TOP2B: variants seen among roughly 807,000 people sequenced by gnomAD.
The protein encoded by TOP2B is DNA topoisomerase II beta.
A neutral mutation model predicts 193.5 loss-of-function variants in TOP2B; 51 were observed. That is an observed-to-expected ratio of 0.26 (90% CI 0.21 to 0.33). The LOEUF is 0.33. Ranked by LOEUF, TOP2B falls within the 10% of genes least tolerant of loss-of-function variation. The pLI is 1.00. For missense variants in TOP2B, 1,378 were observed against 1,909.3 expected (o/e 0.72, Z 5.19); for synonymous variants, 634 against 635.7 (o/e 1.00, Z 0.04).
In TOP2B at chr3:25,607,113, T is replaced by C; in HGVS notation, c.4298+58A>G. The stretch of plus-strand genomic sequence containing the variant: ...TTTCTTAGAAGAGCTCACTATAATA[T>C]CTTTGGCAAATGTTTACAACAATTA... On this transcript the variant is annotated intron_variant, in intron 31 of 35. Coordinates refer to ENST00000264331, the MANE Select transcript of TOP2B (RefSeq NM_001330700.2). The C allele has an allele frequency of 1.3e-6, 2 of 1,580,436 alleles. 1 individual carries two copies. Among genetic ancestry groups the C allele is most frequent in the East Asian group, 4.5e-5 (2 of 44,516 alleles).
At chr3:25,611,926 C>T (rs1702381498) in intron 28 of TOP2B, among the ~76,000 whole-genome samples, 1 of 151,510 alleles carries the variant, frequency 6.6e-6, no homozygotes, top group Non-Finnish European at 1.5e-5. Context: ...TTTTGGCTTC[C>T]AAGATTTTTA....
intron 30 of TOP2B, 132 bp downstream of exon 30, chr3:25,609,051 A>AT (rs1374048401): frequency 6.8e-6 from 5 of 731,250 alleles, no homozygotes; most frequent in East Asian, 3.2e-5. Flanking sequence ...CTATAAGGCA[A>AT]TTTTTTCCTT....
chr3:25,659,162 C>T (rs1164224731), intron 1 of TOP2B, among the ~76,000 whole-genome samples: 1 of 152,058 alleles, frequency 6.6e-6, no homozygotes, highest in African/African-American at 2.4e-5. Context: ...CTCTTTTCTC[C>T]CTCAAGGCTG....
At position 25,663,008 on chromosome 3, in the gene TOP2B, T is replaced by C. The variant is rs190809854; in HGVS notation, c.69+1221A>G. Among the ~76,000 whole-genome samples the C allele has an allele frequency of 2.0e-4, 30 of 152,348 alleles. No homozygotes were observed. The East Asian group carries it at 5.6e-3, about 28-fold the overall frequency. The stretch of plus-strand genomic sequence containing the variant: ...GGACCACTAACTTAGTATCTGACAT[T>C]TTCTCTCCTGGCCCTAGTCCCTTCA... On this transcript the variant is annotated intron_variant, in intron 1 of 35. Coordinates refer to ENST00000264331, the MANE Select transcript of TOP2B (RefSeq NM_001330700.2).
At chr3:25,631,892 G>A (rs1702969837) in intron 10 of TOP2B, among the ~76,000 whole-genome samples, 1 of 151,904 alleles carries the variant, frequency 6.6e-6, no homozygotes, top group Admixed American at 6.6e-5. Context: ...TAGTTCTAGG[G>A]CAGTTATAGA....
chr3:25,643,604 ATT>A (rs1325939670), intron 3 of TOP2B, 88 bp downstream of exon 3: 9 of 964,516 alleles, frequency 9.3e-6, no homozygotes, highest in Non-Finnish European at 1.4e-5. Context: ...CACCTTTCAA[ATT>A]TATACTGGTT....
At chr3:25,627,114 C>A in intron 16 of TOP2B, 73 bp downstream of exon 16, 2 of 1,076,210 alleles carry the variant, frequency 1.9e-6, no homozygotes, top group South Asian at 3.2e-5. Context: ...TCATAGGGAA[C>A]CAGGACTGGG....
intron 32 of TOP2B, 137 bp downstream of exon 32, chr3:25,605,906 A>G: frequency 2.1e-6 from 1 of 472,958 alleles, no homozygotes; most frequent in Non-Finnish European, 3.7e-6. Context: ...TATTATCTTG[A>G]GCAAAATATA....
chr3:25,615,529 T>C lies in TOP2B; in HGVS notation c.3409A>G (p.Thr1137Ala). 1.3e-6 allele frequency: 2 copies of C among 1,576,320 alleles called. No individual in the cohort carries two copies. The highest frequency in any genetic ancestry group is 8.6e-7 in the Non-Finnish European group (1 of 1,160,598). Reference protein sequence around the residue: ...QHDDSSSDSGTPSGPDFNYIL... With the variant: ...QHDDSSSDSGAPSGPDFNYIL... ...TAATTAAAATCTGGGCCTGAAGGAG[T>C]TCCTGAATCGGAGGAACTATCATCA... Residue 1137 changes from threonine (T) to alanine (A), a missense_variant, in exon 26 of 36, where the codon ACT becomes GCT. By Grantham distance (58) the Thr-to-Ala change is moderately conservative. This residue lies in a region of TOP2B where 556 missense variants were observed against 584.2 expected (regional missense o/e 0.95). Coordinates refer to ENST00000264331, the MANE Select transcript of TOP2B (RefSeq NM_001330700.2).
chr3:25,613,776 T>G (rs1372322630), intron 27 of TOP2B, among the ~76,000 whole-genome samples: 1 of 151,748 alleles, frequency 6.6e-6, no homozygotes, highest in Non-Finnish European at 1.5e-5. Flanking sequence ...ATCCACCATG[T>G]GCTAGGCATT....
At chr3:25,660,788 G>A (rs1575591043) in intron 1 of TOP2B, among the ~76,000 whole-genome samples, 1 of 152,092 alleles carries the variant, frequency 6.6e-6, no homozygotes, top group Non-Finnish European at 1.5e-5. Flanking sequence ...TGTTTAATTA[G>A]AGATATTCAC....
intron 30 of TOP2B, among the ~76,000 whole-genome samples, chr3:25,608,891 T>C (rs1702300164): frequency 6.6e-6 from 1 of 152,154 alleles, no homozygotes; most frequent in Non-Finnish European, 1.5e-5. Flanking sequence ...TTAATAGATC[T>C]ATCATTGCTG....
chr3:25,610,059 T>C (rs1702329357), intron 28 of TOP2B, among the ~76,000 whole-genome samples: 1 of 151,860 alleles, frequency 6.6e-6, no homozygotes, highest in African/African-American at 2.4e-5. Flanking sequence ...CAGGCCTTTA[T>C]ATACCATTAA....
intron 5 of TOP2B, 119 bp downstream of exon 5, chr3:25,638,046 A>T: frequency 2.1e-6 from 2 of 970,186 alleles, no homozygotes; most frequent in Non-Finnish European, 3.0e-6. Flanking sequence ...ATGATAGTTT[A>T]TAAATATTAA....
chr3:25,637,362 A>G (rs1703132992), intron 5 of TOP2B, 50 bp from the exon 6 acceptor site: 1 of 1,400,322 alleles, frequency 7.1e-7, no homozygotes, highest in African/African-American at 1.4e-5. Flanking sequence ...ATTTTAAAGG[A>G]ACTTCGTTAA....
intron 1 of TOP2B, among the ~76,000 whole-genome samples, chr3:25,658,816 A>G (rs1372553392): frequency 6.6e-6 from 1 of 152,254 alleles, no homozygotes; most frequent in Non-Finnish European, 1.5e-5. Flanking sequence ...CCTATTTTTC[A>G]GAACGACTAT....
At chr3:25,615,379 T>A in intron 26 of TOP2B, 52 bp downstream of exon 26, 1 of 1,539,338 alleles carries the variant, frequency 6.5e-7, no homozygotes, top group Non-Finnish European at 8.7e-7. Context: ...AAGAAAAAGA[T>A]ACAGATAACA....
chr3:25,645,280 T>A lies in TOP2B; in HGVS notation c.240+20A>T. ...ATAGATGCACATCTCCTAATTTCAA[T>A]CAATTTTAGCAATAATTACCTGCGT... On this transcript the variant is annotated intron_variant, in intron 2 of 35. Coordinates refer to ENST00000264331, the MANE Select transcript of TOP2B (RefSeq NM_001330700.2). 1.3e-6 allele frequency: 2 copies of A among 1,506,554 alleles called. No individual in the cohort carries two copies. The highest frequency in any genetic ancestry group is 1.8e-6 in the Non-Finnish European group (2 of 1,122,782). The allele number at this position is 1,506,554 out of a possible 1,614,324, so 93.3% of individuals were successfully genotyped here.
intron 4 of TOP2B, among the ~76,000 whole-genome samples, chr3:25,640,065 C>T (rs79735754): frequency 0.055 from 8,447 of 152,224 alleles, 313 homozygotes; most frequent in Non-Finnish European, 0.08. Flanking sequence ...CTCTTTTTCT[C>T]ATTTAAATTT....
Sources: gnomAD v4.1 joint callset for allele counts (sites outside exome capture counted in the v4.1 genomes callset) on GRCh38, gnomAD v4.1.1 for gene constraint, gnomAD v4.1.1 regional missense constraint, MANE v1.5 for transcripts, NCBI Gene and HGNC (gene_info 2026-07-23, HGNC 2026-07-21) for gene names.